CCDC12: variants seen among roughly 807,000 people sequenced by gnomAD.
CCDC12 encodes coiled-coil domain-containing protein 12.
CCDC12 carries 28 observed loss-of-function variants against 25.7 expected under a neutral mutation model. The observed-to-expected ratio is 1.09, with a 90% CI of 0.81 to 1.50. The LOEUF is 1.50. Ranked by LOEUF, CCDC12 falls within the 40% of genes most tolerant of loss-of-function variation. The probability of loss-of-function intolerance (pLI) is 0.00; values close to 1 mark genes in which losing one functional copy is unlikely to be tolerated. For synonymous variants in CCDC12, 75 were observed against 87.7 expected (o/e 0.86, Z 0.81); for missense variants, 198 against 210.0 (o/e 0.94, Z 0.35).
At chr3:46,962,691 C>T (rs1202289453) in intron 1 of CCDC12, among the ~76,000 whole-genome samples, 1 of 152,102 alleles carries the variant, frequency 6.6e-6, no homozygotes, top group Non-Finnish European at 1.5e-5. Flanking sequence ...AAGGATGCCA[C>T]TATACCTCCA....
At chr3:46,976,352 C>A in intron 1 of CCDC12, 1 of 1,352,752 alleles carries the variant, frequency 7.4e-7, no homozygotes, top group Middle Eastern at 2.8e-4. Flanking sequence ...TAGATACCTA[C>A]ACGAGCAACA....
At chr3:46,952,987 A>G (rs1315553674) in intron 1 of CCDC12, among the ~76,000 whole-genome samples, 1 of 152,082 alleles carries the variant, frequency 6.6e-6, no homozygotes, top group East Asian at 1.9e-4. Context: ...TACCTTTCAC[A>G]TGCAAATGGT....
At chr3:46,953,166 G>A (rs1261615634) in intron 1 of CCDC12, among the ~76,000 whole-genome samples, 1 of 152,120 alleles carries the variant, frequency 6.6e-6, no homozygotes, top group African/African-American at 2.4e-5. Context: ...AAAGAGCAAT[G>A]CATGCAGAGG....
chr3:46,923,244 G>A (rs915087091), intron 5 of CCDC12, 85 bp downstream of exon 5: 21 of 1,327,724 alleles, frequency 1.6e-5, no homozygotes, highest in South Asian at 5.6e-5. Context: ...GCACTGTGAC[G>A]GCAGGAAGGG....
chr3:46,957,996 C>CACACACACAT (rs113627328), intron 1 of CCDC12, among the ~76,000 whole-genome samples: 9,598 of 142,354 alleles, frequency 0.067, 513 homozygotes, highest in African/African-American at 0.1. Flanking sequence ...CACACACACA[C>CACACACACAT]ATATATATGT....
At position 46,922,209 on chromosome 3, in the gene CCDC12, C is replaced by T. The variant is rs1307114516; in HGVS notation, c.418+27G>A. The T allele has an allele frequency of 4.3e-6, 7 of 1,613,844 alleles. No homozygotes were observed. In the Admixed American group the frequency reaches 1.0e-4, roughly 23 times the overall value. ...TTGGGCCACCACCCAGTGGGCAGGA[C>T]CCCACCTTCCCAGGCACTGCACTTA... On this transcript the variant is annotated intron_variant, in intron 6 of 6. Coordinates refer to ENST00000683445, the MANE Select transcript of CCDC12 (RefSeq NM_001277074.2).
At chr3:46,974,721 C>T (rs1286818304) in intron 1 of CCDC12, among the ~76,000 whole-genome samples, 1 of 152,182 alleles carries the variant, frequency 6.6e-6, no homozygotes, top group Non-Finnish European at 1.5e-5. Context: ...CCTGTTTTTT[C>T]AGTTGGAAAG....
chr3:46,934,709 A>T (rs1226959416), intron 2 of CCDC12, among the ~76,000 whole-genome samples: 1 of 152,108 alleles, frequency 6.6e-6, no homozygotes, highest in Non-Finnish European at 1.5e-5. Flanking sequence ...ATTCTCCCAC[A>T]TTCCCAGGCC....
intron 1 of CCDC12, among the ~76,000 whole-genome samples, chr3:46,951,827 A>ATATATATATATATAT (rs1328099662): frequency 6.6e-5 from 7 of 105,750 alleles, no homozygotes; most frequent in South Asian, 7.1e-4. Flanking sequence ...ATATATACTT[A>ATATATATATATATAT]ATGAGGATCA....
chr3:46,979,878 G>T, upstream of CCDC12: 1 of 470,176 alleles, frequency 2.1e-6, no homozygotes. Flanking sequence ...GCCTCGGAGC[G>T]GCTGTACGAG....
intron 1 of CCDC12, among the ~76,000 whole-genome samples, chr3:46,971,985 G>A (rs1233678554): frequency 6.6e-6 from 1 of 152,166 alleles, no homozygotes; most frequent in African/African-American, 2.4e-5. Flanking sequence ...AAAAGGTCCA[G>A]CAGAAAGGGC....
At chr3:46,979,978 C>T, upstream of CCDC12, 1 of 216,960 alleles carries the variant, frequency 4.6e-6, no homozygotes, top group Non-Finnish European at 8.9e-6. Context: ...GCGCCCCGCG[C>T]CTGCTGCACC....
chr3:46,932,564 G>A (rs2033272681), intron 2 of CCDC12, among the ~76,000 whole-genome samples: 1 of 152,122 alleles, frequency 6.6e-6, no homozygotes, highest in Non-Finnish European at 1.5e-5. Context: ...CTCTTATCCA[G>A]CCCACCCCAA....
intron 1 of CCDC12, among the ~76,000 whole-genome samples, chr3:46,973,770 G>A (rs1476813536): frequency 2.0e-5 from 3 of 151,638 alleles, no homozygotes; most frequent in Non-Finnish European, 2.9e-5. Context: ...CCACCACCGC[G>A]CTCGGCTAAT....
chr3:46,924,253 T>C (rs1303281529), intron 3 of CCDC12: 1 of 152,450 alleles, frequency 6.6e-6, no homozygotes, highest in Non-Finnish European at 1.5e-5. Flanking sequence ...ACCCCTGGCA[T>C]TCAGTGGGCC....
intron 1 of CCDC12, among the ~76,000 whole-genome samples, chr3:46,945,430 T>C (rs531817934): frequency 4.6e-4 from 70 of 152,340 alleles, no homozygotes; most frequent in African/African-American, 1.5e-3. Context: ...CTTGCACCCC[T>C]GCCCTCACCT....
At chr3:46,936,453 G>A (rs1376270398) in intron 2 of CCDC12, among the ~76,000 whole-genome samples, 1 of 152,184 alleles carries the variant, frequency 6.6e-6, no homozygotes, top group Non-Finnish European at 1.5e-5. Flanking sequence ...CACTAGCTGG[G>A]CAAACAGGTA....
At chr3:46,936,261 A>G (rs899103664) in intron 2 of CCDC12, among the ~76,000 whole-genome samples, 5 of 152,320 alleles carry the variant, frequency 3.3e-5, no homozygotes, top group Non-Finnish European at 7.3e-5. Context: ...ACAAACTTCT[A>G]AGTCACATTT....
chr3:46,922,262 G>A lies in CCDC12; in HGVS notation c.392C>T (p.Thr131Ile). Residue 131 changes from threonine (T) to isoleucine (I), a missense_variant, in exon 6 of 7, where the codon ACT (threonine) becomes ATT (isoleucine). Thr to Ile is a moderately conservative substitution (Grantham distance 89, BLOSUM62 -1). Coordinates refer to ENST00000683445, the MANE Select transcript of CCDC12 (RefSeq NM_001277074.2). Reference protein sequence around the residue: ...AKKLEKLKKRTQRAIAELIRE... With the variant: ...AKKLEKLKKRIQRAIAELIRE... ...GATCAGCTCGGCAATGGCCCTCTGA[G>A]TCCGCTTTTTTAGTTTCTCCAGCTT... 6.2e-7 allele frequency: 1 copy of A among 1,614,292 alleles called. No individual in the cohort carries two copies. Among genetic ancestry groups the A allele is most frequent in the East Asian group, 2.2e-5 (1 of 44,886 alleles).
Sources: gnomAD v4.1 joint callset for allele counts (sites outside exome capture counted in the v4.1 genomes callset) on GRCh38, gnomAD v4.1.1 for gene constraint, MANE v1.5 for transcripts, NCBI Gene and HGNC (gene_info 2026-07-23, HGNC 2026-07-21) for gene names.